MBTD1: variants seen among roughly 807,000 people sequenced by gnomAD.
MBTD1 encodes MBT domain-containing protein 1.
Under a neutral mutation model 87.8 loss-of-function variants are expected in MBTD1, and 24 were observed. That is an observed-to-expected ratio of 0.27 (90% CI 0.20 to 0.38). The LOEUF (loss-of-function observed/expected upper bound fraction) is 0.38, where lower values mean the gene tolerates loss of function less well. Among genes scored for constraint, MBTD1 ranks in the 10% least tolerant of loss-of-function variants. The pLI, the probability that MBTD1 is intolerant of heterozygous loss-of-function variation, is 1.00. For missense variants in MBTD1, 436 were observed against 760.2 expected, an observed-to-expected ratio of 0.57 and a Z score of 5.02; for synonymous variants, 237 against 248.6, an observed-to-expected ratio of 0.95 and a Z score of 0.44.
intron 2 of MBTD1, among the ~76,000 whole-genome samples, chr17:51,247,054 G>A (rs563222379): frequency 6.6e-6 from 1 of 152,058 alleles, no homozygotes; most frequent in African/African-American, 2.4e-5. Flanking sequence ...TAAGATTCTG[G>A]CTTTAGGGTT....
intron 16 of MBTD1, chr17:51,185,637 G>T (rs2050501986): frequency 6.6e-6 from 1 of 152,122 alleles, no homozygotes; most frequent in Non-Finnish European, 1.5e-5. Context: ...GAAATGTTAT[G>T]AACAAAGCCT....
At chr17:51,247,624 T>C (rs1371842841) in intron 2 of MBTD1, among the ~76,000 whole-genome samples, 1 of 152,062 alleles carries the variant, frequency 6.6e-6, no homozygotes, top group Non-Finnish European at 1.5e-5. Context: ...AATTTTTTAG[T>C]TGTTTGTAGA....
intron 2 of MBTD1, among the ~76,000 whole-genome samples, chr17:51,227,392 C>T (rs12602001): frequency 0.39 from 59,851 of 151,868 alleles, 13,278 homozygotes; most frequent in East Asian, 0.6. Context: ...AAAACTCCAT[C>T]TCTACAAAAA....
chr17:51,259,757 G>A, intron 1 of MBTD1, 78 bp downstream of exon 1: 1 of 1,210,576 alleles, frequency 8.3e-7, no homozygotes, highest in Non-Finnish European at 1.0e-6. Flanking sequence ...TCAGGGAGCT[G>A]CGGGGTTCCT....
intron 5 of MBTD1, among the ~76,000 whole-genome samples, chr17:51,218,432 G>C (rs879421458): frequency 1.4e-5 from 2 of 147,794 alleles, no homozygotes; most frequent in Non-Finnish European, 3.0e-5. Flanking sequence ...GGGAGGCTGA[G>C]ACATGAGAAT....
At chr17:51,260,912 C>G, upstream of MBTD1, 1 of 1,586,948 alleles carries the variant, frequency 6.3e-7, no homozygotes, top group Non-Finnish European at 8.6e-7. Flanking sequence ...GCTGCGGCGT[C>G]TGCGAGGCCC....
rs1352124641 is a variant in MBTD1, at chr17:51,178,148, C to T, written c.*2428G>A. 2 of 152,056 alleles carry T rather than the reference C, an allele frequency of 1.3e-5. No individual in the cohort carries two copies. The highest frequency in any genetic ancestry group is 2.4e-5 in the African/African-American group (1 of 41,394). The allele number at this position is 152,056 out of a possible 1,614,324, so 9.4% of individuals were successfully genotyped here. A position where few individuals can be genotyped will look rare whatever the true frequency, so the allele number is the denominator to read the frequency against. On this transcript the variant is annotated 3_prime_UTR_variant, in exon 17 of 17. Transcript: ENST00000586178. ...CCAAGGTCAGCAGTACATTTTGAAC[C>T]GTAAAAGAGAATGGGGCGATTGAGT...
chr17:51,193,049 T>G (rs1307667686), intron 14 of MBTD1, 33 bp from the exon 15 acceptor site: 1 of 1,485,256 alleles, frequency 6.7e-7, no homozygotes, highest in Non-Finnish European at 9.4e-7. Context: ...AATATTGGTA[T>G]GAAGAAGAAA....
At chr17:51,216,121 G>A (rs986440067) in intron 6 of MBTD1, among the ~76,000 whole-genome samples, 3 of 151,782 alleles carry the variant, frequency 2.0e-5, no homozygotes, top group Non-Finnish European at 4.4e-5. Flanking sequence ...TAGTAGAAAC[G>A]GGGTTTCACC....
chr17:51,256,153 T>C (rs1445452509), intron 2 of MBTD1, among the ~76,000 whole-genome samples: 2 of 152,244 alleles, frequency 1.3e-5, no homozygotes, highest in African/African-American at 4.8e-5. Context: ...TTTTATCTTA[T>C]GACTTGTCTC....
intron 2 of MBTD1, among the ~76,000 whole-genome samples, chr17:51,228,490 G>GAAAA (rs5820845): frequency 8.2e-6 from 1 of 121,302 alleles, no homozygotes; most frequent in Non-Finnish European, 1.7e-5. Flanking sequence ...TTCAAACCAC[G>GAAAA]AAAAAAAAAA....
intron 12 of MBTD1, among the ~76,000 whole-genome samples, chr17:51,196,911 T>TC (rs2051140288): frequency 1.3e-5 from 2 of 151,402 alleles, no homozygotes; most frequent in East Asian, 2.0e-4. Flanking sequence ...AAAATTTTTT[T>TC]TCCTTTGAAA....
intron 6 of MBTD1, among the ~76,000 whole-genome samples, chr17:51,216,045 C>T (rs978655397): frequency 6.0e-5 from 9 of 149,616 alleles, no homozygotes; most frequent in African/African-American, 2.2e-4. Flanking sequence ...GATTCTCATG[C>T]CTCAGCCTCT....
At chr17:51,244,591 A>G (rs1219752859) in intron 2 of MBTD1, among the ~76,000 whole-genome samples, 1 of 152,142 alleles carries the variant, frequency 6.6e-6, no homozygotes, top group Non-Finnish European at 1.5e-5. Context: ...TATTTTTAGT[A>G]GAGGCAGGGT....
At chr17:51,219,195 G>A (rs1401219841) in intron 4 of MBTD1, among the ~76,000 whole-genome samples, 151 bp from the exon 5 acceptor site, 1 of 152,118 alleles carries the variant, frequency 6.6e-6, no homozygotes, top group Non-Finnish European at 1.5e-5. Context: ...ATTTTAACAT[G>A]AGAATTTTTT....
chr17:51,182,894 A>T (rs890904921), intron 16 of MBTD1, among the ~76,000 whole-genome samples: 2 of 152,222 alleles, frequency 1.3e-5, no homozygotes, highest in Non-Finnish European at 1.5e-5. Context: ...CATCATGTGG[A>T]ACAATATTAA....
At chr17:51,210,870 TGTG>T (rs2052157852) in intron 6 of MBTD1, among the ~76,000 whole-genome samples, 1 of 152,074 alleles carries the variant, frequency 6.6e-6, no homozygotes, top group Non-Finnish European at 1.5e-5. Flanking sequence ...ATTGGCATGG[TGTG>T]GTGGCTCACG....
chr17:51,202,101 A>G, intron 10 of MBTD1, 24 bp from the exon 11 acceptor site: 1 of 1,485,370 alleles, frequency 6.7e-7, no homozygotes, highest in Non-Finnish European at 9.4e-7. Flanking sequence ...TTACACACTA[A>G]TCTGTCAGCA....
chr17:51,237,320 AAG>A (rs897000530), intron 2 of MBTD1, among the ~76,000 whole-genome samples: 20 of 151,898 alleles, frequency 1.3e-4, no homozygotes, highest in Admixed American at 2.0e-4. Context: ...AAAAAAGAAA[AAG>A]AAAAAATTTC....
Sources: gnomAD v4.1 joint callset for allele counts (sites outside exome capture counted in the v4.1 genomes callset) on GRCh38, gnomAD v4.1.1 for gene constraint, MANE v1.5 for transcripts, NCBI Gene and HGNC (gene_info 2026-07-23, HGNC 2026-07-21) for gene names.